The following VAMP2 variants were observed in gnomAD, a reference collection of about 807,000 sequenced individuals.
VAMP2 encodes the protein vesicle-associated membrane protein 2.
For missense variants in VAMP2, 95 were observed against 151.3 expected (o/e 0.63, Z 1.95); for synonymous variants, 67 against 57.3 (o/e 1.17, Z -0.76).
rs998139418 is a variant in VAMP2 at position 8,160,253 on chromosome 17, A to C, written c.*602T>G. ...TGGAAAGGGATAGCAGTATGTAATG[A>C]TACGCTAATTAACATGCTGGACGCT... On this transcript the variant is annotated 3_prime_UTR_variant, in exon 5 of 5. Coordinates refer to ENST00000316509, the MANE Select transcript of VAMP2 (RefSeq NM_014232.3). 2.0e-5 allele frequency: 3 copies of C among 152,570 alleles called. No individual in the cohort carries two copies. Among genetic ancestry groups the C allele is most frequent in the Admixed American group, 6.6e-5 (1 of 15,258 alleles). 9.5% of individuals were successfully genotyped at this position (152,570 alleles called of 1,614,324 possible). A position where few individuals can be genotyped will look rare whatever the true frequency, so the allele number is the denominator to read the frequency against.
At chr17:8,162,498 A>G in intron 1 of VAMP2, 129 bp from the exon 2 acceptor site, 3 of 1,546,930 alleles carry the variant, frequency 1.9e-6, no homozygotes, top group Non-Finnish European at 2.6e-6. Context: ...CACCCGATGT[A>G]AGCCCTGGTC....
In VAMP2 at chr17:8,161,718, G is replaced by C. The variant is rs1459901904; in HGVS notation, c.172C>G (p.Gln58Glu). 1 of 1,614,048 alleles carries C rather than the reference G, an allele frequency of 6.2e-7. No individual in the cohort carries two copies. The highest frequency in any genetic ancestry group is 8.5e-7 in the Non-Finnish European group (1 of 1,180,026). The change falls in exon 3 of 5, where the codon CAG (glutamine) becomes GAG (glutamate). Residue 58 changes from glutamine (Q) to glutamate (E), a missense_variant. Transcript: ENST00000316509. ...VNVDKVLERDQKLSELDDRAD... is the reference protein window; with the variant it reads ...VNVDKVLERDEKLSELDDRAD... ...CGGTCGTCCAGCTCCGACAGCTTCT[G>C]GTCTCGCTCCAGGACCTTGTCCACG...
rs1983250889 is a variant in VAMP2 at position 8,160,235 on chromosome 17, G to GAAA, written c.*619_*620insTTT. The GAAA allele has an allele frequency of 6.6e-6, 1 of 152,376 alleles. No homozygotes were observed. The highest frequency in any genetic ancestry group is 1.5e-5 in the Non-Finnish European group (1 of 68,010). The allele number at this position is 152,376 out of a possible 1,614,324, so 9.4% of individuals were successfully genotyped here. ...TGATGGAACAAAAAGAAATGGAAAG[G>GAAA]GATAGCAGTATGTAATGATACGCTA... On this transcript the variant is annotated 3_prime_UTR_variant, in exon 5 of 5. Coordinates refer to ENST00000316509, the MANE Select transcript of VAMP2 (RefSeq NM_014232.3).
chr17:8,161,770 G>A lies in VAMP2; in HGVS notation c.124-4C>T. The A allele has an allele frequency of 3.1e-6, 5 of 1,611,800 alleles. No individual in the cohort carries two copies. Among genetic ancestry groups the A allele is most frequent in the African/African-American group, 1.3e-5 (1 of 75,006 alleles). ...TCACCCTCATGATGTCCACCACCTG[G>A]GAGAAGGGCCCACGAGGCAGGGGGG... On this transcript the variant is annotated splice_region_variant and splice_polypyrimidine_tract_variant and intron_variant, in intron 2 of 4. Transcript: ENST00000316509.
Position 8,159,984 on chromosome 17 carries a change from G to T in VAMP2, c.*871C>A, listed in dbSNP as rs527594502. The T allele has an allele frequency of 6.6e-6, 1 of 152,586 alleles. No individual in the cohort carries two copies. Among genetic ancestry groups the T allele is most frequent in the Admixed American group, 6.5e-5 (1 of 15,284 alleles). The allele number at this position is 152,586 out of a possible 1,614,324, so 9.5% of individuals were successfully genotyped here. On this transcript the variant is annotated 3_prime_UTR_variant, in exon 5 of 5. Coordinates refer to ENST00000316509, the MANE Select transcript of VAMP2 (RefSeq NM_014232.3). ...ACTTCAAGACACTTACATACCAGCT[G>T]GGGGAGGGAGAGGAGGGTACAAGAG...
chr17:8,162,342 A>T lies in VAMP2; in HGVS notation c.30T>A (p.Pro10=). The change falls in exon 2 of 5, where the codon CCT becomes CCA. Residue 10 remains proline (P), a synonymous_variant. Transcript: ENST00000316509. MSATAATAP[P]AAPAGEGGPP... ...GACCACCCTCCCCAGCCGGGGCAGC[A>T]GGGGGGGCCGTGGCAGCGGTAGCAG... is the stretch of plus-strand genomic sequence containing the variant. The T allele has an allele frequency of 6.2e-7, 1 of 1,606,340 alleles. No individual in the cohort carries two copies.
intron 1 of VAMP2, 149 bp from the exon 2 acceptor site, chr17:8,162,518 C>T (rs1047265507): frequency 5.9e-6 from 9 of 1,524,128 alleles, no homozygotes; most frequent in Middle Eastern, 2.3e-4. Flanking sequence ...CTCGGTCCAG[C>T]CCTGCCGCCG....
Position 8,160,002 on chromosome 17 carries a change from T to TACA in VAMP2, c.*850_*852dup, listed in dbSNP as rs1344337421. On this transcript the variant is annotated 3_prime_UTR_variant, in exon 5 of 5. Transcript: ENST00000316509. ...ACCAGCTGGGGGAGGGAGAGGAGGG[T>TACA]ACAAGAGGTTTGGAAAATGAGGGTA... 3 of 151,616 alleles carry TACA rather than the reference T, an allele frequency of 2.0e-5. No individual in the cohort carries two copies. Among genetic ancestry groups the TACA allele is most frequent in the Non-Finnish European group, 4.4e-5 (3 of 67,934 alleles). The allele number at this position is 151,616 out of a possible 1,614,324, so 9.4% of individuals were successfully genotyped here.
intron 2 of VAMP2, among the ~76,000 whole-genome samples, chr17:8,162,030 AC>A (rs1375012925): frequency 6.6e-6 from 1 of 152,132 alleles, no homozygotes; most frequent in Non-Finnish European, 1.5e-5. Context: ...ACCAGAGCAC[AC>A]CTGCCCAGGC....
intron 4 of VAMP2, 190 bp downstream of exon 4, chr17:8,161,283 G>A (rs974094986): frequency 2.4e-6 from 2 of 827,402 alleles, no homozygotes; most frequent in Non-Finnish European, 3.7e-6. Context: ...TAACAAGACT[G>A]CCAAGAACTA....
chr17:8,161,293 A>T (rs1983304073), intron 4 of VAMP2, 180 bp downstream of exon 4: 6 of 895,716 alleles, frequency 6.7e-6, no homozygotes, highest in Middle Eastern at 3.5e-4. Context: ...GCCAAGAACT[A>T]GGCAAAATGC....
Position 8,160,905 on chromosome 17 carries a change from G to C in VAMP2, c.335-34C>G, listed in dbSNP as rs756194569. ...AGAGGGGAAGAAGATGAGGAAGAGG[G>C]AGAGGGGAGAGAAAGAGAGAGAACA... is the stretch of plus-strand genomic sequence containing the variant. On this transcript the variant is annotated intron_variant, in intron 4 of 4. Transcript: ENST00000316509. 3.2e-6 allele frequency: 5 copies of C among 1,559,172 alleles called. No individual in the cohort carries two copies. In the African/African-American group the frequency reaches 5.4e-5, roughly 17 times the overall value.
At chr17:8,162,544 T>C (rs1983349041) in intron 1 of VAMP2, 175 bp from the exon 2 acceptor site, 6 of 1,486,012 alleles carry the variant, frequency 4.0e-6, no homozygotes, top group Non-Finnish European at 5.4e-6. Context: ...CTGCGTGACC[T>C]TGAGCGAGGC....
chr17:8,161,668 G>A lies in VAMP2; in HGVS notation c.222C>T (p.Ala74=), dbSNP rs1471474364. ...TGGCTGCGCTTGTTTCAAACTGGGA[G>A]GCCCCCGCCTGGAGTGCATCTGCAC... ...DDRADALQAG[A]SQFETSAAKL... is the part of the protein sequence containing the mutation. Residue 74 remains alanine (A), a synonymous_variant, in exon 3 of 5, where the codon GCC becomes GCT. Transcript: ENST00000316509. The A allele has an allele frequency of 1.2e-6, 2 of 1,614,186 alleles. No individual in the cohort carries two copies. Among genetic ancestry groups the A allele is most frequent in the South Asian group, 1.1e-5 (1 of 91,092 alleles).
At chr17:8,160,912 GAGAGAA>G in intron 4 of VAMP2, 41 bp from the exon 5 acceptor site, 1 of 1,515,062 alleles carries the variant, frequency 6.6e-7, no homozygotes. Context: ...AGGGAGAGGG[GAGAGAA>G]AGAGAGAGAA....
chr17:8,162,214 T>A (rs1983335490), intron 2 of VAMP2, 35 bp downstream of exon 2: 1 of 1,502,492 alleles, frequency 6.7e-7, no homozygotes, highest in African/African-American at 1.4e-5. Context: ...ACCCCCAGGG[T>A]CCCTCCTACT....
At chr17:8,161,062 G>A (rs764580671) in intron 4 of VAMP2, 191 bp from the exon 5 acceptor site, 226 of 559,056 alleles carry the variant, frequency 4.0e-4, no homozygotes, top group Non-Finnish European at 6.1e-4. Context: ...GGTCCCTTCC[G>A]CTCCATGGTA....
intron 1 of VAMP2, chr17:8,162,621 C>T (rs1021648827): frequency 1.4e-6 from 2 of 1,397,422 alleles, no homozygotes; most frequent in Non-Finnish European, 1.9e-6. Context: ...CGGGTCGACC[C>T]GAAAAGACAG....
intron 2 of VAMP2, 73 bp from the exon 3 acceptor site, chr17:8,161,839 C>T: frequency 3.2e-6 from 5 of 1,564,466 alleles, no homozygotes; most frequent in Non-Finnish European, 4.3e-6. Flanking sequence ...CAAACATGTG[C>T]CCACCGTGCC....
Sources: allele counts gnomAD v4.1 joint callset (sites outside exome capture counted in the v4.1 genomes callset), GRCh38; gene constraint gnomAD v4.1.1; transcripts MANE v1.5; gene names NCBI Gene and HGNC (gene_info 2026-07-23, HGNC 2026-07-21).